Variants in E2F3 observed in about 807,000 individuals in gnomAD.
E2F3 encodes E2F transcription factor 3.
E2F3 carries 11 observed loss-of-function variants against 44.4 expected under a neutral mutation model. That is an observed-to-expected ratio of 0.25 (90% CI 0.16 to 0.41). E2F3 has a LOEUF of 0.41. Ranked by LOEUF, E2F3 falls within the 10% of genes least tolerant of loss-of-function variation. E2F3 has a pLI of 1.00. For missense variants in E2F3, 487 were observed against 583.6 expected, an observed-to-expected ratio of 0.83 and a Z score of 1.70; for synonymous variants, 249 against 253.0, an observed-to-expected ratio of 0.98 and a Z score of 0.15.
chr6:20,465,209 TGTCTGTCA>T (rs1761660875), intron 1 of E2F3, among the ~76,000 whole-genome samples: 2 of 152,354 alleles, frequency 1.3e-5, no homozygotes, highest in African/African-American at 2.4e-5. Flanking sequence ...ACACCTTTGC[TGTCTGTCA>T]GTCTTTTTCT....
chr6:20,481,967 T>G (rs1425182645), intron 3 of E2F3, among the ~76,000 whole-genome samples: 1 of 152,170 alleles, frequency 6.6e-6, no homozygotes, highest in Non-Finnish European at 1.5e-5. Flanking sequence ...AGCATGATAC[T>G]TATACAGCCA....
intron 4 of E2F3, among the ~76,000 whole-genome samples, chr6:20,484,543 TA>T (rs1369170895): frequency 1.3e-5 from 2 of 152,198 alleles, no homozygotes; most frequent in East Asian, 1.9e-4. Flanking sequence ...GTGTTCTCAG[TA>T]AAAAATCAGA....
intron 1 of E2F3, among the ~76,000 whole-genome samples, chr6:20,468,500 G>A (rs1761787123): frequency 6.6e-6 from 1 of 152,328 alleles, no homozygotes; most frequent in South Asian, 2.1e-4. Flanking sequence ...CACCCTCCAG[G>A]AACCTCCTTG....
At chr6:20,469,624 A>G (rs751433097) in intron 1 of E2F3, among the ~76,000 whole-genome samples, 4 of 152,208 alleles carry the variant, frequency 2.6e-5, no homozygotes, top group East Asian at 1.9e-4. Context: ...ATTCATATAT[A>G]TGTGGTTAGA....
chr6:20,412,852 T>C (rs1308069416), intron 1 of E2F3, among the ~76,000 whole-genome samples: 1 of 152,196 alleles, frequency 6.6e-6, no homozygotes, highest in East Asian at 1.9e-4. Context: ...TAGGCCAGAT[T>C]TGGCTTAAGG....
At chr6:20,449,809 C>T (rs964150044) in intron 1 of E2F3, among the ~76,000 whole-genome samples, 2 of 152,092 alleles carry the variant, frequency 1.3e-5, no homozygotes, top group Non-Finnish European at 2.9e-5. Flanking sequence ...ACTGTCTGTT[C>T]CCCTTTATGT....
chr6:20,484,588 T>G (rs904454204), intron 4 of E2F3, among the ~76,000 whole-genome samples: 2 of 152,214 alleles, frequency 1.3e-5, no homozygotes, highest in Non-Finnish European at 2.9e-5. Flanking sequence ...ATCCGTTGAC[T>G]TCTTTGATGG....
chr6:20,471,125 CT>C (rs2127614529), intron 1 of E2F3, among the ~76,000 whole-genome samples: 1 of 152,322 alleles, frequency 6.6e-6, no homozygotes, highest in African/African-American at 2.4e-5. Context: ...TCCTTAGATA[CT>C]TGCTTTCTAT....
At chr6:20,424,210 G>GT (rs1554135917) in intron 1 of E2F3, among the ~76,000 whole-genome samples, 1 of 136,920 alleles carries the variant, frequency 7.3e-6, no homozygotes, top group African/African-American at 2.7e-5. Context: ...TCAGTGGAAG[G>GT]GTGTGTGTGT....
intron 1 of E2F3, among the ~76,000 whole-genome samples, chr6:20,424,377 GTGTGTA>G (rs1164298763): frequency 1.1e-4 from 5 of 47,018 alleles, no homozygotes; most frequent in South Asian, 1.0e-3. Flanking sequence ...CAGAGAGAGT[GTGTGTA>G]TGTGTGTGTG....
chr6:20,404,342 C>G (rs1474055580), intron 1 of E2F3, among the ~76,000 whole-genome samples: 1 of 152,172 alleles, frequency 6.6e-6, no homozygotes, highest in Non-Finnish European at 1.5e-5. Context: ...GCCCGGAGGT[C>G]TCCCCTTTCT....
chr6:20,464,199 A>G (rs1014789092), intron 1 of E2F3, among the ~76,000 whole-genome samples: 1 of 152,188 alleles, frequency 6.6e-6, no homozygotes, highest in African/African-American at 2.4e-5. Flanking sequence ...GGTTGATTGC[A>G]TCATTGGCCT....
At chr6:20,475,448 G>C (rs757433978) in intron 1 of E2F3, among the ~76,000 whole-genome samples, 1 of 152,168 alleles carries the variant, frequency 6.6e-6, no homozygotes, top group African/African-American at 2.4e-5. Context: ...TTACTGCTGA[G>C]GCACGGCCCT....
chr6:20,460,762 G>A (rs575224526), intron 1 of E2F3, among the ~76,000 whole-genome samples: 8 of 152,128 alleles, frequency 5.3e-5, no homozygotes, highest in Admixed American at 6.5e-5. Flanking sequence ...TTGGGAGGCC[G>A]AGGAGGGCAG....
chr6:20,450,465 TG>T (rs1263022679), intron 1 of E2F3, among the ~76,000 whole-genome samples: 1 of 152,210 alleles, frequency 6.6e-6, no homozygotes, highest in Non-Finnish European at 1.5e-5. Context: ...CACGTTTTAA[TG>T]GGGCTGTTTG....
chr6:20,444,727 G>C (rs947409039), intron 1 of E2F3, among the ~76,000 whole-genome samples: 13 of 151,668 alleles, frequency 8.6e-5, no homozygotes, highest in African/African-American at 2.9e-4. Context: ...AAAACCAGAC[G>C]AAAAAAACAC....
intron 1 of E2F3, chr6:20,403,818 C>T (rs2127582043): frequency 6.7e-7 from 1 of 1,497,858 alleles, no homozygotes; most frequent in Non-Finnish European, 8.9e-7. Flanking sequence ...TTCGGAAATG[C>T]CCTTACAGCA....
chr6:20,482,981 A>G (rs558540086), intron 4 of E2F3, 61 bp downstream of exon 4: 1 of 1,606,546 alleles, frequency 6.2e-7, no homozygotes, highest in East Asian at 2.2e-5. Flanking sequence ...TCCAGAGTTG[A>G]CAATCTGACT....
chr6:20,408,363 G>GT (rs1325838313), intron 1 of E2F3, among the ~76,000 whole-genome samples: 1 of 152,166 alleles, frequency 6.6e-6, no homozygotes, highest in Non-Finnish European at 1.5e-5. Flanking sequence ...AACATACCGA[G>GT]TTTCTATTTC....
Sources: allele counts gnomAD v4.1 joint callset (sites outside exome capture counted in the v4.1 genomes callset), GRCh38; gene constraint gnomAD v4.1.1; transcripts MANE v1.5; gene names NCBI Gene and HGNC (gene_info 2026-07-23, HGNC 2026-07-21).